Variants in PPP1R17 observed in about 807,000 individuals in gnomAD.
The protein encoded by PPP1R17 is G-substrate.
A neutral mutation model predicts 15.9 loss-of-function variants in PPP1R17; 12 were observed. That is an observed-to-expected ratio of 0.75 (90% CI 0.48 to 1.22). The LOEUF (loss-of-function observed/expected upper bound fraction) is 1.22. PPP1R17 is among the 50% of genes most tolerant of loss of function. The pLI is 0.00. For synonymous variants in PPP1R17, 63 were observed against 64.5 expected, an observed-to-expected ratio of 0.98 and a Z score of 0.11; for missense variants, 211 against 187.3, an observed-to-expected ratio of 1.13 and a Z score of -0.74.
intron 1 of PPP1R17, among the ~76,000 whole-genome samples, chr7:31,688,072 T>C (rs1180064939): frequency 6.6e-6 from 1 of 152,084 alleles, no homozygotes; most frequent in African/African-American, 2.4e-5. Context: ...TCAATTTAGA[T>C]AGACATATAA....
At chr7:31,699,109 A>G (rs1480915913) in intron 4 of PPP1R17, among the ~76,000 whole-genome samples, 1 of 152,174 alleles carries the variant, frequency 6.6e-6, no homozygotes, top group African/African-American at 2.4e-5. Context: ...AGGGAAAAGG[A>G]GGTTTCTCTA....
intron 4 of PPP1R17, among the ~76,000 whole-genome samples, chr7:31,700,646 TG>T (rs1229944839): frequency 1.3e-5 from 2 of 152,182 alleles, no homozygotes; most frequent in African/African-American, 4.8e-5. Flanking sequence ...CATTCATAGC[TG>T]GAAAGGAGAT....
At chr7:31,697,165 CA>C in intron 4 of PPP1R17, 48 bp downstream of exon 4, 1 of 1,595,918 alleles carries the variant, frequency 6.3e-7, no homozygotes, top group South Asian at 1.1e-5. Context: ...GGGGACAGGT[CA>C]AGAACCTTAC....
intron 3 of PPP1R17, among the ~76,000 whole-genome samples, chr7:31,696,466 T>C (rs1792587739): frequency 6.6e-6 from 1 of 152,216 alleles, no homozygotes; most frequent in Non-Finnish European, 1.5e-5. Context: ...AGGCTGTTTT[T>C]AGAGAGTTAC....
rs572831923 is a variant in PPP1R17 at position 31,692,350 on chromosome 7, T to C, written c.-36-56T>C. ...ACAAATATATTTACTTAGCAAATGA[T>C]TGAATGAATGAATAAACAGAGCCAT... On this transcript the variant is annotated intron_variant, in intron 1 of 4. Coordinates refer to ENST00000342032, the MANE Select transcript of PPP1R17 (RefSeq NM_006658.5). 9 of 1,025,286 alleles carry C rather than the reference T, an allele frequency of 8.8e-6. No homozygotes were observed. The East Asian group carries it at 1.2e-4, about 14-fold the overall frequency. The allele number at this position is 1,025,286 out of a possible 1,614,324, so 63.5% of individuals were successfully genotyped here. A position where few individuals can be genotyped will look rare whatever the true frequency, so the allele number is the denominator to read the frequency against.
intron 1 of PPP1R17, among the ~76,000 whole-genome samples, chr7:31,690,015 G>A (rs1232590369): frequency 6.6e-6 from 1 of 152,162 alleles, no homozygotes; most frequent in Admixed American, 6.5e-5. Flanking sequence ...TCAGTTTTGT[G>A]ACGAATCACT....
Position 31,707,773 on chromosome 7 carries a change from T to A in PPP1R17, c.*490T>A, listed in dbSNP as rs1312606992. 1 of 156,910 alleles carries A rather than the reference T, an allele frequency of 6.4e-6. No individual in the cohort carries two copies. Among genetic ancestry groups the A allele is most frequent in the Non-Finnish European group, 1.4e-5 (1 of 70,818 alleles). 9.7% of individuals were successfully genotyped at this position (156,910 alleles called of 1,614,324 possible). A position where few individuals can be genotyped will look rare whatever the true frequency, so the allele number is the denominator to read the frequency against. On this transcript the variant is annotated 3_prime_UTR_variant, in exon 5 of 5. Coordinates refer to ENST00000342032, the MANE Select transcript of PPP1R17 (RefSeq NM_006658.5). ...TTTGCAGACAAAGGTCTTTTATTTC[T>A]CCTGTCCTATCTTAAGAGTCCAAAT...
At chr7:31,707,182 A>T (rs1472091092) in intron 4 of PPP1R17, 22 bp from the exon 5 acceptor site, 1 of 1,605,748 alleles carries the variant, frequency 6.2e-7, no homozygotes, top group Non-Finnish European at 8.5e-7. Flanking sequence ...ACTTAATTGC[A>T]GGTCTGTGCT....
chr7:31,693,889 C>A (rs1346491605), intron 2 of PPP1R17, among the ~76,000 whole-genome samples: 10 of 152,200 alleles, frequency 6.6e-5, no homozygotes, highest in Non-Finnish European at 1.3e-4. Flanking sequence ...TTTAAAATTT[C>A]TCCATACTTA....
At chr7:31,695,341 A>T in intron 2 of PPP1R17, 128 bp from the exon 3 acceptor site, 1 of 775,662 alleles carries the variant, frequency 1.3e-6, no homozygotes, top group Non-Finnish European at 1.9e-6. Flanking sequence ...CACAATAAAT[A>T]AACACTTTTC....
chr7:31,690,650 A>C (rs1390133400), intron 1 of PPP1R17, among the ~76,000 whole-genome samples: 1 of 152,250 alleles, frequency 6.6e-6, no homozygotes, highest in Non-Finnish European at 1.5e-5. Context: ...TTCAAACTAA[A>C]TAACCTGCTA....
intron 2 of PPP1R17, among the ~76,000 whole-genome samples, chr7:31,693,379 G>A (rs574720861): frequency 1.3e-5 from 2 of 152,248 alleles, no homozygotes; most frequent in South Asian, 4.1e-4. Context: ...GTAAAATATT[G>A]GGGAAAGATT....
chr7:31,699,909 A>G (rs577170508), intron 4 of PPP1R17, among the ~76,000 whole-genome samples: 5 of 152,158 alleles, frequency 3.3e-5, no homozygotes, highest in South Asian at 2.1e-4. Flanking sequence ...AACTTAATCT[A>G]TAAGTGGTGT....
rs572533881 is a variant in PPP1R17, at chr7:31,707,346, A to T, written c.*63A>T. On this transcript the variant is annotated 3_prime_UTR_variant, in exon 5 of 5. Coordinates refer to ENST00000342032, the MANE Select transcript of PPP1R17 (RefSeq NM_006658.5). ...TTGGTTCCCTGTGGTGACCTAGAGA[A>T]AAAATAGACTTGTTTCTGCTCTCAT... 2.8e-4 allele frequency: 381 copies of T among 1,373,368 alleles called. 2 individuals carry two copies. In the South Asian group the frequency reaches 4.5e-3, roughly 16 times the overall value. The allele number at this position is 1,373,368 out of a possible 1,614,324, so 85.1% of individuals were successfully genotyped here.
At chr7:31,702,484 C>A (rs186898428) in intron 4 of PPP1R17, among the ~76,000 whole-genome samples, 4 of 152,302 alleles carry the variant, frequency 2.6e-5, no homozygotes, top group Non-Finnish European at 5.9e-5. Context: ...CTGTCCAGGT[C>A]CCAATTACCT....
At position 31,692,509 on chromosome 7, in the gene PPP1R17, G is replaced by A. The variant is rs764484890; in HGVS notation, c.68G>A (p.Arg23His). 4.6e-5 allele frequency: 74 copies of A among 1,605,450 alleles called. No individual in the cohort carries two copies. Among genetic ancestry groups the A allele is most frequent in the Non-Finnish European group, 5.7e-5 (67 of 1,172,298 alleles). ...SEDRLDKLDP[R>H]CSHLDDLSDQ... ...GACAGACTGGACAAGCTAGACCCTC[G>A]TTGCAGCCACTTAGGTAAACAAATG... Residue 23 changes from arginine to histidine, a missense_variant, in exon 2 of 5, where the codon CGT (arginine) becomes CAT (histidine). Coordinates refer to ENST00000342032, the MANE Select transcript of PPP1R17 (RefSeq NM_006658.5).
Position 31,708,069 on chromosome 7 carries a change from G to A in PPP1R17, c.*786G>A, listed in dbSNP as rs1222333540. Reference sequence around the variant, plus strand: ...TATCAATGTTTGTGATGAATTTACTGTAAAAAAATTAAGGTCAATGAAAGC... The same window carrying A: ...TATCAATGTTTGTGATGAATTTACTATAAAAAAATTAAGGTCAATGAAAGC... On this transcript the variant is annotated 3_prime_UTR_variant, in exon 5 of 5. Coordinates refer to ENST00000342032, the MANE Select transcript of PPP1R17 (RefSeq NM_006658.5). 6.6e-6 allele frequency: 1 copy of A among 152,184 alleles called. No homozygotes were observed. The highest frequency in any genetic ancestry group is 2.4e-5 in the African/African-American group (1 of 41,448). 9.4% of individuals were successfully genotyped at this position (152,184 alleles called of 1,614,324 possible). A position where few individuals can be genotyped will look rare whatever the true frequency, so the allele number is the denominator to read the frequency against.
chr7:31,707,147 G>A (rs942982016), intron 4 of PPP1R17, 57 bp from the exon 5 acceptor site: 23 of 1,507,560 alleles, frequency 1.5e-5, no homozygotes, highest in Non-Finnish European at 2.1e-5. Context: ...TGTCTGCAAC[G>A]TTGCCTAATG....
At chr7:31,688,960 C>G (rs1792221573) in intron 1 of PPP1R17, among the ~76,000 whole-genome samples, 1 of 152,190 alleles carries the variant, frequency 6.6e-6, no homozygotes, top group Non-Finnish European at 1.5e-5. Context: ...GGTAGCAAAG[C>G]CTGACCTGAA....
Sources: gnomAD v4.1 joint callset for allele counts (sites outside exome capture counted in the v4.1 genomes callset) on GRCh38, gnomAD v4.1.1 for gene constraint, MANE v1.5 for transcripts, NCBI Gene and HGNC (gene_info 2026-07-23, HGNC 2026-07-21) for gene names.